GRIN3A: variants seen among roughly 807,000 people sequenced by gnomAD.
The protein encoded by GRIN3A is glutamate ionotropic receptor NMDA type subunit 3A.
In GRIN3A, 47 loss-of-function variants were observed where a neutral mutation model predicts 92.4. That is an observed-to-expected ratio of 0.51 (90% CI 0.40 to 0.65). GRIN3A has a LOEUF of 0.65. GRIN3A is among the 30% of genes least tolerant of loss of function. The probability of loss-of-function intolerance (pLI) is 0.00; values close to 1 mark genes in which losing one functional copy is unlikely to be tolerated. For missense variants in GRIN3A, 1,324 were observed against 1,393.1 expected, an observed-to-expected ratio of 0.95 and a Z score of 0.79; for synonymous variants, 527 against 540.6, an observed-to-expected ratio of 0.97 and a Z score of 0.35.
At chr9:101,667,576 C>T (rs1300181135) in intron 3 of GRIN3A, among the ~76,000 whole-genome samples, 1 of 152,016 alleles carries the variant, frequency 6.6e-6, no homozygotes, top group Non-Finnish European at 1.5e-5. Context: ...TCATTTACCT[C>T]TGAATTGCTC....
chr9:101,581,668 G>T (rs555412042), intron 6 of GRIN3A, among the ~76,000 whole-genome samples: 1 of 152,034 alleles, frequency 6.6e-6, no homozygotes, highest in Non-Finnish European at 1.5e-5. Flanking sequence ...AGAACTGTGG[G>T]GAATACACTT....
intron 3 of GRIN3A, among the ~76,000 whole-genome samples, chr9:101,654,752 C>A (rs1407956021): frequency 1.3e-5 from 2 of 151,818 alleles, no homozygotes; most frequent in African/African-American, 4.8e-5. Flanking sequence ...TCACATCAAG[C>A]CCAGTTTGCC....
chr9:101,680,672 G>T (rs1829456193), intron 2 of GRIN3A, among the ~76,000 whole-genome samples: 1 of 152,164 alleles, frequency 6.6e-6, no homozygotes, highest in African/African-American at 2.4e-5. Context: ...AATTAGATGA[G>T]CATGTCTTCT....
chr9:101,573,657 T>A, intron 8 of GRIN3A, 144 bp from the exon 9 acceptor site: 1 of 704,672 alleles, frequency 1.4e-6, no homozygotes, highest in Admixed American at 2.1e-5. Context: ...ACAGACTACC[T>A]GCTAGGGTGT....
chr9:101,729,510 C>T (rs560493749), intron 1 of GRIN3A, among the ~76,000 whole-genome samples: 3 of 152,244 alleles, frequency 2.0e-5, no homozygotes, highest in African/African-American at 4.8e-5. Context: ...ATTGTCACAT[C>T]GCCTTGTCCT....
rs1830245728 is a variant in GRIN3A at position 101,738,272 on chromosome 9, G to A, written c.-293C>T. 6.4e-6 allele frequency: 3 copies of A among 466,662 alleles called. No homozygotes were observed. Among genetic ancestry groups the A allele is most frequent in the Non-Finnish European group, 1.2e-5 (3 of 259,626 alleles). 28.9% of individuals were successfully genotyped at this position (466,662 alleles called of 1,614,324 possible). A position where few individuals can be genotyped will look rare whatever the true frequency, so the allele number is the denominator to read the frequency against. ...CCTGTCACCCGCAGCTGGAGCGCCCGTTCCCTGCCCGCCCCATCTGCAGGG... is the reference window on the plus strand; with the variant it reads ...CCTGTCACCCGCAGCTGGAGCGCCCATTCCCTGCCCGCCCCATCTGCAGGG... On this transcript the variant is annotated 5_prime_UTR_variant, in exon 1 of 9. It adds an upstream start codon to the 5' untranslated region. Coordinates refer to ENST00000361820, the MANE Select transcript of GRIN3A (RefSeq NM_133445.3).
At chr9:101,705,290 C>T (rs1437814621) in intron 1 of GRIN3A, among the ~76,000 whole-genome samples, 2 of 151,984 alleles carry the variant, frequency 1.3e-5, no homozygotes, top group African/African-American at 4.8e-5. Context: ...AGGCAGAGAG[C>T]GCAGAGAACA....
chr9:101,616,884 AGT>A (rs1393053165), intron 5 of GRIN3A, among the ~76,000 whole-genome samples: 111 of 124,554 alleles, frequency 8.9e-4, no homozygotes, highest in African/African-American at 2.9e-3. Flanking sequence ...TAAAACTTAA[AGT>A]ATAAAAAAAA....
Position 101,613,644 on chromosome 9 carries a change from A to G in GRIN3A, c.2615-117T>C, listed in dbSNP as rs972956227. The G allele has an allele frequency of 8.6e-6, 8 of 935,392 alleles. No homozygotes were observed. The Admixed American group carries it at 1.4e-4, about 16-fold the overall frequency. The allele number at this position is 935,392 out of a possible 1,614,324, so 57.9% of individuals were successfully genotyped here. A position where few individuals can be genotyped will look rare whatever the true frequency, so the allele number is the denominator to read the frequency against. On this transcript the variant is annotated intron_variant, in intron 5 of 8. Transcript: ENST00000361820. The stretch of plus-strand genomic sequence containing the variant: ...CAAAAAAAGGGCGTGATGAGTTTTC[A>G]TCAACTTTCTTTCAAAGCACTCAAA...
intron 3 of GRIN3A, among the ~76,000 whole-genome samples, chr9:101,643,091 C>G (rs1454655119): frequency 1.3e-5 from 2 of 152,134 alleles, no homozygotes; most frequent in African/African-American, 4.8e-5. Context: ...GAAAAATTGC[C>G]TTTCATGAAA....
At chr9:101,644,800 C>A (rs1828914938) in intron 3 of GRIN3A, among the ~76,000 whole-genome samples, 2 of 151,884 alleles carry the variant, frequency 1.3e-5, no homozygotes, top group South Asian at 4.2e-4. Context: ...TTTTTGAGTT[C>A]ATCTCACTTT....
intron 4 of GRIN3A, 75 bp downstream of exon 4, chr9:101,628,181 C>G: frequency 6.8e-7 from 1 of 1,464,806 alleles, no homozygotes; most frequent in Non-Finnish European, 9.6e-7. Context: ...CAGAAACTAA[C>G]ATATACTGCG....
chr9:101,674,489 T>G (rs1829368469), intron 2 of GRIN3A, among the ~76,000 whole-genome samples: 1 of 123,872 alleles, frequency 8.1e-6, no homozygotes, highest in African/African-American at 2.7e-5. Flanking sequence ...AGGAAAGCAG[T>G]GATTTAAGAG....
chr9:101,640,903 G>A (rs897944024), intron 3 of GRIN3A, among the ~76,000 whole-genome samples: 2 of 152,056 alleles, frequency 1.3e-5, no homozygotes, highest in African/African-American at 4.8e-5. Flanking sequence ...TTTCTTTCCA[G>A]TCTCGGTATG....
intron 1 of GRIN3A, among the ~76,000 whole-genome samples, chr9:101,705,034 G>A (rs1187196703): frequency 6.6e-6 from 1 of 152,072 alleles, no homozygotes; most frequent in Non-Finnish European, 1.5e-5. Flanking sequence ...GCAGGGAAAT[G>A]CTGGGTAGAG....
At chr9:101,663,134 C>G (rs1167219294) in intron 3 of GRIN3A, among the ~76,000 whole-genome samples, 1 of 151,896 alleles carries the variant, frequency 6.6e-6, no homozygotes, top group Non-Finnish European at 1.5e-5. Flanking sequence ...GCAGCCCCAT[C>G]CCCCTAAAAT....
Position 101,572,949 on chromosome 9 carries a change from G to C in GRIN3A, c.*225C>G. ...GATCTCTCGCACAGAGCTTACTCCT[G>C]ACTAAGATTCTTGCTAGAAAAACAC... On this transcript the variant is annotated 3_prime_UTR_variant, in exon 9 of 9. Coordinates refer to ENST00000361820, the MANE Select transcript of GRIN3A (RefSeq NM_133445.3). The C allele has an allele frequency of 3.6e-6, 2 of 562,746 alleles. No homozygotes were observed. Among genetic ancestry groups the C allele is most frequent in the East Asian group, 3.1e-5 (1 of 32,542 alleles). 34.9% of individuals were successfully genotyped at this position (562,746 alleles called of 1,614,324 possible).
At chr9:101,652,507 C>T (rs2118918856) in intron 3 of GRIN3A, among the ~76,000 whole-genome samples, 1 of 152,018 alleles carries the variant, frequency 6.6e-6, no homozygotes, top group South Asian at 2.1e-4. Context: ...GCATTAAATT[C>T]CCAGGAGAGC....
chr9:101,606,293 G>A (rs1828280598), intron 6 of GRIN3A, among the ~76,000 whole-genome samples: 2 of 152,142 alleles, frequency 1.3e-5, no homozygotes, highest in Non-Finnish European at 2.9e-5. Context: ...TTGTGCCCTG[G>A]GAAGCGGACC....
Sources: gnomAD v4.1 joint callset for allele counts (sites outside exome capture counted in the v4.1 genomes callset) on GRCh38, gnomAD v4.1.1 for gene constraint, MANE v1.5 for transcripts, NCBI Gene and HGNC (gene_info 2026-07-23, HGNC 2026-07-21) for gene names.